TSPEAR: variants seen among roughly 807,000 people sequenced by gnomAD.
TSPEAR encodes the protein thrombospondin type laminin G domain and EAR repeats.
TSPEAR carries 69 observed loss-of-function variants against 71.6 expected under a neutral mutation model. That is an observed-to-expected ratio of 0.96 (90% confidence interval 0.79 to 1.18). The LOEUF is 1.18. TSPEAR is among the 50% of genes most tolerant of loss of function. TSPEAR has a pLI of 0.00. For synonymous variants in TSPEAR, 402 were observed against 387.2 expected (o/e 1.04, Z -0.45); for missense variants, 971 against 894.9 (o/e 1.09, Z -1.09).
intron 10 of TSPEAR, chr21:44,508,322 G>T (rs2052254805): frequency 4.3e-6 from 1 of 230,376 alleles, no homozygotes; most frequent in Non-Finnish European, 7.5e-6. Flanking sequence ...ATGTGTTGTT[G>T]TGTGTCTCAA....
chr21:44,667,330 G>A (rs56138130), intron 1 of TSPEAR, among the ~76,000 whole-genome samples: 6,003 of 152,240 alleles, frequency 0.039, 130 homozygotes, highest in Middle Eastern at 0.085. Context: ...GGTAGAACAG[G>A]ACGTGTCTAG....
chr21:44,558,621 C>T, intron 2 of TSPEAR: 1 of 1,606,972 alleles, frequency 6.2e-7, no homozygotes, highest in African/African-American at 1.3e-5. Flanking sequence ...GCTGGTGGCG[C>T]AGCAGGGGGG....
At chr21:44,628,046 G>C in intron 1 of TSPEAR, 5 of 1,611,330 alleles carry the variant, frequency 3.1e-6, no homozygotes, top group Non-Finnish European at 4.2e-6. Flanking sequence ...AAGTCCAGCT[G>C]CTGACGGTCA....
intron 1 of TSPEAR, among the ~76,000 whole-genome samples, chr21:44,674,562 C>T (rs1986211643): frequency 6.6e-6 from 1 of 151,938 alleles, no homozygotes. Flanking sequence ...ATAAAAAATA[C>T]AAAAATTAGC....
At chr21:44,555,303 C>T (rs930609430) in intron 2 of TSPEAR, among the ~76,000 whole-genome samples, 8 of 152,150 alleles carry the variant, frequency 5.3e-5, no homozygotes, top group Non-Finnish European at 7.4e-5. Flanking sequence ...TAAACAGTAA[C>T]GGGAGGGAAA....
At chr21:44,578,525 C>T (rs184446757) in intron 1 of TSPEAR, among the ~76,000 whole-genome samples, 5 of 152,234 alleles carry the variant, frequency 3.3e-5, no homozygotes, top group African/African-American at 7.2e-5. Flanking sequence ...GACACAGTGT[C>T]GGCGAGGGTG....
chr21:44,651,044 C>T (rs1248949351), intron 1 of TSPEAR, among the ~76,000 whole-genome samples: 1 of 152,044 alleles, frequency 6.6e-6, no homozygotes, highest in Non-Finnish European at 1.5e-5. Context: ...TGCAGTAGAA[C>T]CTGGGGAGAG....
intron 1 of TSPEAR, among the ~76,000 whole-genome samples, chr21:44,616,662 C>T (rs1982116109): frequency 6.6e-6 from 1 of 152,248 alleles, no homozygotes; most frequent in Non-Finnish European, 1.5e-5. Flanking sequence ...CCCTGGTCAG[C>T]ACCCAATTCG....
chr21:44,615,838 C>T (rs587706476), intron 1 of TSPEAR, among the ~76,000 whole-genome samples: 2 of 152,340 alleles, frequency 1.3e-5, no homozygotes, highest in East Asian at 1.9e-4. Flanking sequence ...CTGAGGTTCT[C>T]GTCTCATTTA....
chr21:44,553,430 A>C (rs1464076074), intron 2 of TSPEAR, among the ~76,000 whole-genome samples: 2 of 152,258 alleles, frequency 1.3e-5, no homozygotes, highest in Admixed American at 1.3e-4. Flanking sequence ...TCACATCAGA[A>C]GCAGAAGAGC....
intron 10 of TSPEAR, among the ~76,000 whole-genome samples, chr21:44,505,560 TCCCCCCTCC>T (rs2052174827): frequency 8.6e-5 from 1 of 11,610 alleles, no homozygotes; most frequent in Non-Finnish European, 2.3e-4. Context: ...CATCACCCCC[TCCCCCCTCC>T]CCCCCCCCCC....
At chr21:44,532,874 C>T (rs2053000866) in intron 3 of TSPEAR, among the ~76,000 whole-genome samples, 2 of 152,224 alleles carry the variant, frequency 1.3e-5, no homozygotes, top group African/African-American at 4.8e-5. Context: ...ATCTTGTACT[C>T]ATTTGGAGTT....
chr21:44,514,182 C>T (rs1250562658), intron 9 of TSPEAR, among the ~76,000 whole-genome samples: 1 of 152,230 alleles, frequency 6.6e-6, no homozygotes, highest in Non-Finnish European at 1.5e-5. Context: ...CCCCTCATGC[C>T]ACCCCCTTGA....
Position 44,627,877 on chromosome 21 carries a change from C to T in TSPEAR, c.83-59872G>A, listed in dbSNP as rs183723327. On this transcript the variant is annotated intron_variant, in intron 1 of 11. Transcript: ENST00000323084. The stretch of plus-strand genomic sequence containing the variant: ...CTCCTCCTCTGTGTCCCTCCTCTGC[C>T]GCCCTGTGTGCAGGCCCGCCTGCTG... 4.8e-5 allele frequency: 78 copies of T among 1,612,474 alleles called. No homozygotes were observed. In the East Asian group the frequency reaches 7.8e-4, roughly 16 times the overall value.
At chr21:44,580,484 C>G in intron 1 of TSPEAR, 3 of 1,613,192 alleles carry the variant, frequency 1.9e-6, no homozygotes, top group South Asian at 1.1e-5. Context: ...GGGGGCGGTG[C>G]CGCAGGGGGG....
rs1981823585 is a variant in TSPEAR at position 44,612,993 on chromosome 21, T to C, written c.83-44988A>G. ...GCCCCTACCTGGGATGGGGTCTCCATGTCTCCCCTGTGCTGAGGTGACCTC... is the reference window on the plus strand; with the variant it reads ...GCCCCTACCTGGGATGGGGTCTCCACGTCTCCCCTGTGCTGAGGTGACCTC... On this transcript the variant is annotated intron_variant, in intron 1 of 11. Transcript: ENST00000323084. This position sits in a 1 kb window ranked among gnomAD's most constrained non-coding sequence, Gnocchi z 4.1. 11 of 1,462,302 alleles carry C rather than the reference T, an allele frequency of 7.5e-6. No individual in the cohort carries two copies. Among genetic ancestry groups the C allele is most frequent in the Non-Finnish European group, 9.3e-6 (10 of 1,076,648 alleles). The allele number at this position is 1,462,302 out of a possible 1,614,324, so 90.6% of individuals were successfully genotyped here. A position where few individuals can be genotyped will look rare whatever the true frequency, so the allele number is the denominator to read the frequency against.
intron 1 of TSPEAR, chr21:44,602,227 C>T: frequency 1.1e-5 from 2 of 185,188 alleles, no homozygotes; most frequent in Middle Eastern, 2.5e-3. Context: ...CCTGATGCCC[C>T]CCACCCGCGG....
At chr21:44,568,733 C>T (rs2053741566) in intron 1 of TSPEAR, among the ~76,000 whole-genome samples, 1 of 152,156 alleles carries the variant, frequency 6.6e-6, no homozygotes, top group Non-Finnish European at 1.5e-5. Context: ...GATGCCTGGA[C>T]CCTCCTCAGC....
At chr21:44,627,584 C>T (rs370125305) in intron 1 of TSPEAR, 8 of 1,612,186 alleles carry the variant, frequency 5.0e-6, no homozygotes, top group Middle Eastern at 1.6e-4. Context: ...TCCTGCCAGC[C>T]GGCCTGCTGT....
Sources: gnomAD v4.1 joint callset for allele counts (sites outside exome capture counted in the v4.1 genomes callset) on GRCh38, gnomAD v4.1.1 for gene constraint, Gnocchi (gnomAD v3.1) non-coding constraint, MANE v1.5 for transcripts, NCBI Gene and HGNC (gene_info 2026-07-23, HGNC 2026-07-21) for gene names.